SCLT1: variants seen among roughly 807,000 people sequenced by gnomAD.
The protein encoded by SCLT1 is sodium channel and clathrin linker 1, also known as sodium channel-associated protein 1.
SCLT1 carries 78 observed loss-of-function variants against 112.8 expected under a neutral mutation model. The ratio of observed to expected loss-of-function variants is 0.69; its 90% confidence interval spans 0.58 to 0.83. The LOEUF (loss-of-function observed/expected upper bound fraction) is 0.83, where lower values mean the gene tolerates loss of function less well. Among genes scored for constraint, SCLT1 ranks in the 40% least tolerant of loss-of-function variants. The probability of loss-of-function intolerance (pLI) is 0.00; values close to 1 mark genes in which losing one functional copy is unlikely to be tolerated. For missense variants in SCLT1, 747 were observed against 770.4 expected (o/e 0.97, Z 0.36); for synonymous variants, 257 against 254.7 (o/e 1.01, Z -0.09).
chr4:129,065,075 C>T lies in SCLT1; in HGVS notation c.102+17231G>A, dbSNP rs1377934730. ...ATTCTCCATGGTGAAAGAATTCTCC[C>T]TTAAAAGTGTATATTTGCTTCTTTT... is the stretch of plus-strand genomic sequence containing the variant. On this transcript the variant is annotated intron_variant, in intron 2 of 20. Coordinates refer to ENST00000281142, the MANE Select transcript of SCLT1 (RefSeq NM_144643.4). Among the ~76,000 whole-genome samples, 5 of 151,986 alleles carry T rather than the reference C, an allele frequency of 3.3e-5. No individual in the cohort carries two copies. The East Asian group carries it at 9.6e-4, about 29-fold the overall frequency.
intron 10 of SCLT1, among the ~76,000 whole-genome samples, chr4:128,967,163 C>T (rs113858704): frequency 0.01 from 1,590 of 152,276 alleles, 19 homozygotes; most frequent in Non-Finnish European, 0.016. Flanking sequence ...CCAACTGCAT[C>T]CATATTGCTG....
At chr4:129,006,366 C>T (rs936204957) in intron 5 of SCLT1, among the ~76,000 whole-genome samples, 3 of 151,536 alleles carry the variant, frequency 2.0e-5, no homozygotes, top group East Asian at 1.9e-4. Context: ...GGTGAAACCC[C>T]GTCTCTACTA....
chr4:128,894,363 AACACACACAC>A (rs10522940), intron 18 of SCLT1, among the ~76,000 whole-genome samples: 2,146 of 143,060 alleles, frequency 0.015, 24 homozygotes, highest in Middle Eastern at 0.045. Context: ...TTGAGTAAGT[AACACACACAC>A]ACACACACAC....
intron 13 of SCLT1, among the ~76,000 whole-genome samples, chr4:128,954,793 C>T (rs1312603797): frequency 6.6e-6 from 1 of 151,988 alleles, no homozygotes. Flanking sequence ...CACAAAAATC[C>T]AATGAGGTTG....
chr4:128,953,688 A>T (rs1738963791), intron 13 of SCLT1, among the ~76,000 whole-genome samples: 1 of 151,454 alleles, frequency 6.6e-6, no homozygotes, highest in African/African-American at 2.4e-5. Context: ...AGTCCCAGCT[A>T]CTCGGGAGGC....
At chr4:128,937,289 A>T (rs1378062434) in intron 17 of SCLT1, among the ~76,000 whole-genome samples, 1 of 151,352 alleles carries the variant, frequency 6.6e-6, no homozygotes, top group South Asian at 2.1e-4. Context: ...AAAAAAAAAA[A>T]AAAGAAAAAA....
chr4:128,908,565 T>C (rs1734864911), intron 18 of SCLT1, among the ~76,000 whole-genome samples: 1 of 152,114 alleles, frequency 6.6e-6, no homozygotes, highest in African/African-American at 2.4e-5. Flanking sequence ...CATGTGTTCA[T>C]TCATTTATTC....
intron 5 of SCLT1, among the ~76,000 whole-genome samples, chr4:129,008,617 C>G (rs1397765018): frequency 5.3e-5 from 8 of 152,108 alleles, no homozygotes; most frequent in Admixed American, 5.2e-4. Context: ...GTTCTTTTCA[C>G]TACCACATTT....
At chr4:128,998,157 GTTTAT>G (rs1743168488) in intron 7 of SCLT1, among the ~76,000 whole-genome samples, 2 of 151,670 alleles carry the variant, frequency 1.3e-5, no homozygotes, top group South Asian at 2.1e-4. Flanking sequence ...TAATGTGGCT[GTTTAT>G]TTTATGTCAA....
At chr4:129,057,408 TC>T (rs372076977) in intron 2 of SCLT1, among the ~76,000 whole-genome samples, 3 of 140,090 alleles carry the variant, frequency 2.1e-5, no homozygotes, top group African/African-American at 5.0e-5. Context: ...TTAATATTAT[TC>T]TTTTTTTTTT....
rs1050079322 is a variant in SCLT1, at chr4:128,985,741, C to G, written c.686+6426G>C. Among the ~76,000 whole-genome samples, 6 of 151,866 alleles carry G rather than the reference C, an allele frequency of 4.0e-5. No homozygotes were observed. The South Asian group carries it at 1.2e-3, about 32-fold the overall frequency. On this transcript the variant is annotated intron_variant, in intron 9 of 20. Transcript: ENST00000281142. ...TTTAAATCTTTTGTTTTTTTCATGA[C>G]AGGCTAATTTTAATTTTTGTAGAGA...
chr4:128,959,829 G>A (rs1739527311), intron 11 of SCLT1, 52 bp from the exon 12 acceptor site: 5 of 1,431,800 alleles, frequency 3.5e-6, no homozygotes, highest in Non-Finnish European at 9.8e-7. Context: ...AAGGGAAGGA[G>A]GGAGATTTAC....
chr4:129,010,412 C>T (rs1192498016), intron 5 of SCLT1, among the ~76,000 whole-genome samples: 1 of 152,010 alleles, frequency 6.6e-6, no homozygotes, highest in East Asian at 1.9e-4. Flanking sequence ...TTTTTTCGTT[C>T]CACATGAATT....
rs1433269136 is a variant in SCLT1 at position 128,943,107 on chromosome 4, C to A, written c.1521G>T (p.Gly507=). The A allele has an allele frequency of 1.2e-6, 2 of 1,612,272 alleles. No homozygotes were observed. The highest frequency in any genetic ancestry group is 1.7e-6 in the Non-Finnish European group (2 of 1,178,750). The change falls in exon 17 of 21, where the codon GGG becomes GGT. Residue 507 remains glycine (G), a synonymous_variant. Coordinates refer to ENST00000281142, the MANE Select transcript of SCLT1 (RefSeq NM_144643.4). ...GTTTTAGCCTTTGTTCACTGACAAGCCCACAGTTCTCTCTCTCAGACTCCA... is the reference window on the plus strand; with the variant it reads ...GTTTTAGCCTTTGTTCACTGACAAGACCACAGTTCTCTCTCTCAGACTCCA... ...NVLESERENC[G]LVSEQRLKLQ...
chr4:128,987,366 C>G (rs1343391333), intron 9 of SCLT1, among the ~76,000 whole-genome samples: 1 of 152,086 alleles, frequency 6.6e-6, no homozygotes, highest in African/African-American at 2.4e-5. Flanking sequence ...CCAGTGTGAC[C>G]AATCCTAGAG....
chr4:128,958,210 C>G (rs1373544167), intron 12 of SCLT1, among the ~76,000 whole-genome samples: 4 of 152,066 alleles, frequency 2.6e-5, no homozygotes, highest in African/African-American at 9.7e-5. Context: ...ACATTTTTAC[C>G]TCTGTTTTTG....
At chr4:129,022,481 C>A (rs3980331) in intron 5 of SCLT1, among the ~76,000 whole-genome samples, 1 of 151,908 alleles carries the variant, frequency 6.6e-6, no homozygotes, top group Non-Finnish European at 1.5e-5. Context: ...AAACACAGCA[C>A]GAGAACTTAG....
chr4:129,060,258 T>C (rs1006771940), intron 2 of SCLT1, among the ~76,000 whole-genome samples: 1 of 152,238 alleles, frequency 6.6e-6, no homozygotes, highest in African/African-American at 2.4e-5. Context: ...AATTATCTAC[T>C]GTATTATCTT....
At chr4:129,047,095 G>A (rs1289448435) in intron 2 of SCLT1, among the ~76,000 whole-genome samples, 1 of 151,908 alleles carries the variant, frequency 6.6e-6, no homozygotes, top group Admixed American at 6.6e-5. Context: ...TCTTAATGAT[G>A]TCTTAAAAAC....
Sources: gnomAD v4.1 joint callset for allele counts (sites outside exome capture counted in the v4.1 genomes callset) on GRCh38, gnomAD v4.1.1 for gene constraint, MANE v1.5 for transcripts, NCBI Gene and HGNC (gene_info 2026-07-23, HGNC 2026-07-21) for gene names.